The following RAPGEF5 variants were observed in gnomAD, a reference collection of about 807,000 sequenced individuals.
RAPGEF5 encodes Rap guanine nucleotide exchange factor 5.
A neutral mutation model predicts 125.2 loss-of-function variants in RAPGEF5; 65 were observed. The ratio of observed to expected loss-of-function variants is 0.52; its 90% CI spans 0.43 to 0.64. The LOEUF (loss-of-function observed/expected upper bound fraction) is 0.64. Among genes scored for constraint, RAPGEF5 ranks in the 30% least tolerant of loss-of-function variants. The pLI is 0.00. For missense variants in RAPGEF5, 958 were observed against 1,048.1 expected (o/e 0.91, Z 1.19); for synonymous variants, 391 against 385.9 (o/e 1.01, Z -0.16).
At chr7:22,327,654 C>T (rs1783839605) in intron 1 of RAPGEF5, among the ~76,000 whole-genome samples, 3 of 152,224 alleles carry the variant, frequency 2.0e-5, no homozygotes, top group Admixed American at 2.0e-4. Flanking sequence ...AAAGTTGTGT[C>T]CTTGGACAAG....
chr7:22,298,187 T>C (rs1037311351), intron 5 of RAPGEF5, among the ~76,000 whole-genome samples: 1 of 151,450 alleles, frequency 6.6e-6, no homozygotes, highest in Non-Finnish European at 1.5e-5. Context: ...TTTGTTTTTT[T>C]TTTTTTTGAG....
intron 9 of RAPGEF5, among the ~76,000 whole-genome samples, chr7:22,201,461 G>A (rs537859445): frequency 3.5e-4 from 54 of 152,296 alleles, no homozygotes; most frequent in Admixed American, 3.4e-3. Flanking sequence ...TTCCAGAGAC[G>A]CTTGTGTTAA....
intron 3 of RAPGEF5, among the ~76,000 whole-genome samples, chr7:22,314,115 A>G (rs1783537629): frequency 6.6e-6 from 1 of 152,248 alleles, no homozygotes; most frequent in Admixed American, 6.5e-5. Flanking sequence ...GTGCTTAATT[A>G]AAGTGTTAAT....
chr7:22,287,947 T>A (rs1782836605), intron 6 of RAPGEF5, among the ~76,000 whole-genome samples: 2 of 152,302 alleles, frequency 1.3e-5, no homozygotes, highest in South Asian at 4.1e-4. Context: ...TATTTTCAAT[T>A]TTGCAGGCCG....
At chr7:22,229,126 G>C (rs528277876) in intron 8 of RAPGEF5, among the ~76,000 whole-genome samples, 1 of 152,120 alleles carries the variant, frequency 6.6e-6, no homozygotes, top group Non-Finnish European at 1.5e-5. Flanking sequence ...AAGGAAGAAG[G>C]GCTGGCAGGT....
intron 9 of RAPGEF5, among the ~76,000 whole-genome samples, chr7:22,205,353 T>C (rs1157035282): frequency 1.3e-5 from 2 of 152,204 alleles, no homozygotes; most frequent in African/African-American, 2.4e-5. Flanking sequence ...AAATATCCAA[T>C]GAACTGGAAT....
At chr7:22,149,566 A>T (rs989314892) in intron 18 of RAPGEF5, among the ~76,000 whole-genome samples, 8 of 152,226 alleles carry the variant, frequency 5.3e-5, no homozygotes, top group Admixed American at 3.3e-4. Flanking sequence ...AGGTGTTCTT[A>T]AATTTTGGAC....
At chr7:22,255,958 T>C (rs1786749249) in intron 7 of RAPGEF5, among the ~76,000 whole-genome samples, 1 of 152,218 alleles carries the variant, frequency 6.6e-6, no homozygotes, top group South Asian at 2.1e-4. Flanking sequence ...GCAGACTTTC[T>C]AGCCTGTGTG....
At chr7:22,239,284 C>A (rs1786264799) in intron 7 of RAPGEF5, among the ~76,000 whole-genome samples, 1 of 152,172 alleles carries the variant, frequency 6.6e-6, no homozygotes, top group South Asian at 2.1e-4. Context: ...CAAATCCTCC[C>A]TAGGCCTTCC....
At chr7:22,306,917 G>T (rs1783355423) in intron 5 of RAPGEF5, among the ~76,000 whole-genome samples, 1 of 152,116 alleles carries the variant, frequency 6.6e-6, no homozygotes, top group South Asian at 2.1e-4. Flanking sequence ...CTATGTGTCT[G>T]TTTTCATGCA....
intron 9 of RAPGEF5, among the ~76,000 whole-genome samples, chr7:22,207,007 G>T (rs780029220): frequency 6.6e-6 from 1 of 152,118 alleles, no homozygotes; most frequent in East Asian, 1.9e-4. Context: ...AGAAGAAAGA[G>T]AAATAGGTTG....
chr7:22,257,815 T>C (rs925049473), intron 7 of RAPGEF5, among the ~76,000 whole-genome samples: 2 of 152,224 alleles, frequency 1.3e-5, no homozygotes, highest in African/African-American at 4.8e-5. Flanking sequence ...TGTCTTTGTT[T>C]TTTCCTAATA....
intron 2 of RAPGEF5, 143 bp downstream of exon 2, chr7:22,317,844 G>A (rs906257548): frequency 1.4e-5 from 15 of 1,074,040 alleles, no homozygotes; most frequent in Non-Finnish European, 1.8e-5. Context: ...ATCCCAGGTG[G>A]TGAAGATAAT....
At chr7:22,342,464 A>G (rs574332661) in intron 1 of RAPGEF5, among the ~76,000 whole-genome samples, 3 of 152,204 alleles carry the variant, frequency 2.0e-5, no homozygotes, top group Non-Finnish European at 4.4e-5. Flanking sequence ...TAGGCTCCGC[A>G]TTACTTATGC....
chr7:22,348,735 G>A (rs1231659591), intron 1 of RAPGEF5, among the ~76,000 whole-genome samples: 2 of 152,196 alleles, frequency 1.3e-5, no homozygotes, highest in Non-Finnish European at 1.5e-5. Context: ...GGCCAGGAAG[G>A]GTAGTGGAGA....
chr7:22,331,747 A>C (rs1644088971), intron 1 of RAPGEF5, among the ~76,000 whole-genome samples: 1 of 150,320 alleles, frequency 6.7e-6, no homozygotes, highest in Non-Finnish European at 1.5e-5. Flanking sequence ...TCCATCTCAA[A>C]AAAAAAAAAA....
chr7:22,272,408 G>C (rs1428875883), intron 6 of RAPGEF5, among the ~76,000 whole-genome samples: 1 of 148,164 alleles, frequency 6.7e-6, no homozygotes, highest in African/African-American at 2.5e-5. Flanking sequence ...CATTTTGAGA[G>C]GACAGAGCAA....
intron 7 of RAPGEF5, among the ~76,000 whole-genome samples, chr7:22,245,034 C>T (rs1786439967): frequency 6.6e-6 from 1 of 152,174 alleles, no homozygotes; most frequent in Non-Finnish European, 1.5e-5. Context: ...CAGGTGATAG[C>T]TGACTGTGAT....
intron 6 of RAPGEF5, among the ~76,000 whole-genome samples, chr7:22,277,991 AATGAC>A (rs1222159615): frequency 6.6e-6 from 1 of 152,162 alleles, no homozygotes; most frequent in Non-Finnish European, 1.5e-5. Context: ...CCCGTTACAG[AATGAC>A]ACGGATCCTG....
Sources: gnomAD v4.1 joint callset for allele counts (sites outside exome capture counted in the v4.1 genomes callset) on GRCh38, gnomAD v4.1.1 for gene constraint, MANE v1.5 for transcripts, NCBI Gene and HGNC (gene_info 2026-07-23, HGNC 2026-07-21) for gene names.